SLC44A5: variants seen among roughly 807,000 people sequenced by gnomAD.
SLC44A5 encodes choline transporter-like protein 5.
In SLC44A5, 57 loss-of-function variants were observed where a neutral mutation model predicts 101.8. The ratio of observed to expected loss-of-function variants is 0.56; its 90% confidence interval spans 0.45 to 0.70. The LOEUF (loss-of-function observed/expected upper bound fraction) is 0.70. SLC44A5 is among the 30% of genes least tolerant of loss of function. SLC44A5 has a pLI of 0.00. For missense variants in SLC44A5, 737 were observed against 853.1 expected (o/e 0.86, Z 1.70); for synonymous variants, 281 against 290.9 (o/e 0.97, Z 0.35).
intron 4 of SLC44A5, among the ~76,000 whole-genome samples, chr1:75,335,251 C>T (rs573612781): frequency 6.6e-6 from 1 of 152,120 alleles, no homozygotes; most frequent in Non-Finnish European, 1.5e-5. Flanking sequence ...TTCTGTCATG[C>T]CCTAGAATTA....
chr1:75,241,034 A>G (rs572389429), intron 9 of SLC44A5, among the ~76,000 whole-genome samples: 15 of 151,880 alleles, frequency 9.9e-5, no homozygotes, highest in African/African-American at 1.4e-4. Flanking sequence ...GTTATATTTA[A>G]TAATTCTAAA....
chr1:75,683,514 C>A, the SLC44A5 span, among the ~76,000 whole-genome samples: 21 of 151,894 alleles, frequency 1.4e-4, no homozygotes, highest in Non-Finnish European at 2.6e-4. Flanking sequence ...GAACAAAAAA[C>A]CAAACACCGC....
At chr1:75,402,647 C>T (rs996840576) in intron 2 of SLC44A5, among the ~76,000 whole-genome samples, 11 of 152,174 alleles carry the variant, frequency 7.2e-5, no homozygotes, top group Non-Finnish European at 1.5e-4. Context: ...AGGAACGGTG[C>T]ATTCTGGCCC....
At chr1:75,275,088 T>A in intron 5 of SLC44A5, 46 bp from the exon 6 acceptor site, 1 of 1,492,250 alleles carries the variant, frequency 6.7e-7, no homozygotes. Flanking sequence ...AAAAGCCAGC[T>A]AAAGGCAGTT....
At chr1:75,362,072 G>C (rs1039563867) in intron 3 of SLC44A5, among the ~76,000 whole-genome samples, 4 of 151,774 alleles carry the variant, frequency 2.6e-5, no homozygotes, top group African/African-American at 7.3e-5. Context: ...ATTTCTTTTA[G>C]GTTATCCAAT....
intron 4 of SLC44A5, among the ~76,000 whole-genome samples, chr1:75,320,601 G>T (rs547497958): frequency 6.6e-6 from 1 of 152,162 alleles, no homozygotes; most frequent in Non-Finnish European, 1.5e-5. Context: ...TTGTCATTAA[G>T]TTATAGTCCA....
intron 5 of SLC44A5, among the ~76,000 whole-genome samples, chr1:75,296,026 C>T (rs188913452): frequency 7.9e-5 from 12 of 152,264 alleles, no homozygotes; most frequent in East Asian, 3.9e-4. Flanking sequence ...CCTTATTCTA[C>T]GAAGGATTAA....
At chr1:75,685,004 GAAAT>G in the SLC44A5 span, among the ~76,000 whole-genome samples, 2,390 of 152,294 alleles carry the variant, frequency 0.016, 71 homozygotes, top group African/African-American at 0.053. Context: ...TACATCCTCT[GAAAT>G]CGAGGCAGAG....
intron 3 of SLC44A5, among the ~76,000 whole-genome samples, chr1:75,385,855 C>T (rs1335751341): frequency 6.6e-6 from 1 of 152,014 alleles, no homozygotes; most frequent in South Asian, 2.1e-4. Context: ...AAAAGCTTAT[C>T]CACCATGATC....
chr1:75,654,905 C>T, the SLC44A5 span, among the ~76,000 whole-genome samples: 1 of 152,182 alleles, frequency 6.6e-6, no homozygotes, highest in Admixed American at 6.5e-5. Flanking sequence ...TCACCTTACT[C>T]TTCTGTTCCC....
the SLC44A5 span, among the ~76,000 whole-genome samples, chr1:75,700,648 T>A: frequency 2.3e-4 from 35 of 152,022 alleles, no homozygotes; most frequent in African/African-American, 7.5e-4. Context: ...GCAAGAAATA[T>A]CTAAGATCAG....
At chr1:75,522,648 A>G (rs1009830002) in intron 2 of SLC44A5, among the ~76,000 whole-genome samples, 4 of 152,202 alleles carry the variant, frequency 2.6e-5, no homozygotes, top group Non-Finnish European at 5.9e-5. Flanking sequence ...ATAATGGCTT[A>G]GAACCTGTCC....
the SLC44A5 span, among the ~76,000 whole-genome samples, chr1:75,702,031 T>C: frequency 2.1e-3 from 320 of 152,162 alleles, 2 homozygotes; most frequent in African/African-American, 7.2e-3. Flanking sequence ...TGGAAGAACA[T>C]TCCATGCTCA....
intron 3 of SLC44A5, among the ~76,000 whole-genome samples, chr1:75,343,186 A>C (rs1658011724): frequency 6.6e-6 from 1 of 152,212 alleles, no homozygotes; most frequent in South Asian, 2.1e-4. Context: ...ATATTTTATA[A>C]GCTTCTTAAG....
chr1:75,261,617 T>C (rs1344248295), intron 6 of SLC44A5, among the ~76,000 whole-genome samples: 1 of 152,076 alleles, frequency 6.6e-6, no homozygotes, highest in East Asian at 1.9e-4. Context: ...CCACTCCTTC[T>C]GAAACTATTT....
At chr1:75,270,941 A>G (rs1651415453) in intron 6 of SLC44A5, among the ~76,000 whole-genome samples, 1 of 152,118 alleles carries the variant, frequency 6.6e-6, no homozygotes, top group Non-Finnish European at 1.5e-5. Context: ...TTTTAAAAAC[A>G]AACTGTCTTA....
In SLC44A5 at chr1:75,236,877, C is replaced by T. The variant is rs995602636; in HGVS notation, c.740+110G>A. On this transcript the variant is annotated intron_variant, in intron 11 of 23. Transcript: ENST00000370859. ...ATCTGAGTGAAATTTGTTATGCCAC[C>T]AGTACATTTCTTTTATTCATGAATA... 7.1e-6 allele frequency: 4 copies of T among 566,318 alleles called. No individual in the cohort carries two copies. In the East Asian group the frequency reaches 1.1e-4, roughly 16 times the overall value. 35.1% of individuals were successfully genotyped at this position (566,318 alleles called of 1,614,324 possible).
chr1:75,466,868 C>T (rs1243457018), intron 2 of SLC44A5, among the ~76,000 whole-genome samples: 2 of 151,920 alleles, frequency 1.3e-5, no homozygotes, highest in Admixed American at 6.6e-5. Context: ...AAATAAAGAG[C>T]ATCCAAATTG....
chr1:75,460,124 A>G (rs1666416918), intron 2 of SLC44A5, among the ~76,000 whole-genome samples: 1 of 152,186 alleles, frequency 6.6e-6, no homozygotes, highest in Non-Finnish European at 1.5e-5. Context: ...CTATATATAC[A>G]TTCTCTGCAC....
Sources: gnomAD v4.1 joint callset for allele counts (sites outside exome capture counted in the v4.1 genomes callset) on GRCh38, gnomAD v4.1.1 for gene constraint, MANE v1.5 for transcripts, NCBI Gene and HGNC (gene_info 2026-07-23, HGNC 2026-07-21) for gene names.